The following RALGPS2 variants were observed in gnomAD, a reference collection of about 807,000 sequenced individuals.
RALGPS2 encodes the protein ras-specific guanine nucleotide-releasing factor RalGPS2.
RALGPS2 carries 43 observed loss-of-function variants against 86.8 expected under a neutral mutation model. The observed-to-expected ratio is 0.50, with a 90% CI of 0.39 to 0.64. The LOEUF (loss-of-function observed/expected upper bound fraction) is 0.64, where lower values mean the gene tolerates loss of function less well. Among genes scored for constraint, RALGPS2 ranks in the 30% least tolerant of loss-of-function variants. RALGPS2 has a pLI of 0.00. For synonymous variants in RALGPS2, 243 were observed against 231.3 expected (o/e 1.05, Z -0.46); for missense variants, 536 against 694.6 (o/e 0.77, Z 2.57).
At chr1:178,788,651 A>G (rs999569265) in intron 4 of RALGPS2, among the ~76,000 whole-genome samples, 31 of 152,058 alleles carry the variant, frequency 2.0e-4, no homozygotes, top group African/African-American at 7.2e-4. Flanking sequence ...AAGGGAGGGA[A>G]TGTACTAGAA....
At chr1:178,876,613 G>C (rs1407121339) in intron 8 of RALGPS2, among the ~76,000 whole-genome samples, 1 of 152,078 alleles carries the variant, frequency 6.6e-6, no homozygotes, top group African/African-American at 2.4e-5. Flanking sequence ...GAAGGCAGTG[G>C]GTATGTCATT....
rs777665269 is a variant in RALGPS2 at position 178,776,782 on chromosome 1, G to A, written c.18G>A (p.Gly6=). 1 of 1,612,892 alleles carries A rather than the reference G, an allele frequency of 6.2e-7. No individual in the cohort carries two copies. The highest frequency in any genetic ancestry group is 1.7e-5 in the Admixed American group (1 of 59,926). Residue 6 remains glycine (G), a synonymous_variant, in exon 2 of 20, where the codon GGG becomes GGA. Transcript: ENST00000367635. ...AGGAAAGCATGGACCTAATGAACGG[G>A]CAGGCAAGCAGTGTCAATATTGCAG... The part of the protein sequence containing the change: MDLMN[G]QASSVNIAAT...
At chr1:178,821,365 A>G (rs372174266) in intron 6 of RALGPS2, among the ~76,000 whole-genome samples, 2 of 152,328 alleles carry the variant, frequency 1.3e-5, no homozygotes, top group African/African-American at 4.8e-5. Flanking sequence ...TTCTTAATAT[A>G]TTACTCAACT....
At chr1:178,854,939 C>A (rs897279119) in intron 8 of RALGPS2, among the ~76,000 whole-genome samples, 6 of 151,944 alleles carry the variant, frequency 3.9e-5, no homozygotes, top group African/African-American at 7.3e-5. Context: ...GTGTTTCGAG[C>A]CTTTTTTATA....
intron 8 of RALGPS2, among the ~76,000 whole-genome samples, chr1:178,847,990 A>C (rs961570879): frequency 6.6e-6 from 1 of 152,150 alleles, no homozygotes; most frequent in African/African-American, 2.4e-5. Flanking sequence ...AATAGAGTCT[A>C]TATCTGTTGT....
intron 8 of RALGPS2, among the ~76,000 whole-genome samples, chr1:178,872,702 G>A (rs2102354884): frequency 6.6e-6 from 1 of 152,310 alleles, no homozygotes; most frequent in South Asian, 2.1e-4. Flanking sequence ...GGAAAAATAA[G>A]AGATAATAAA....
intron 4 of RALGPS2, among the ~76,000 whole-genome samples, chr1:178,793,119 G>T (rs1485347022): frequency 1.3e-5 from 2 of 152,132 alleles, no homozygotes; most frequent in African/African-American, 2.4e-5. Flanking sequence ...AATTACAGAA[G>T]ATAATTTTTT....
At chr1:178,767,134 T>G (rs1228482615) in intron 1 of RALGPS2, among the ~76,000 whole-genome samples, 2 of 152,222 alleles carry the variant, frequency 1.3e-5, no homozygotes, top group Admixed American at 1.3e-4. Flanking sequence ...TTCTTAGAAT[T>G]TTTTGATTGG....
chr1:178,821,642 C>T lies in RALGPS2; in HGVS notation c.418C>T (p.Leu140Phe). Residue 140 changes from leucine to phenylalanine, a missense_variant, in exon 7 of 20, where the codon CTT becomes TTT. By Grantham distance (22) the Leu-to-Phe change is conservative. This residue lies in a region of RALGPS2 where 184 missense variants were observed against 296.7 expected (regional missense o/e 0.62). Transcript: ENST00000367635. Reference sequence around the variant, plus strand: ...GTATGAGCTGAATAACCTTCATGCACTTATGGCAGTGGTTTCTGGCCTACA... The same window carrying T: ...GTATGAGCTGAATAACCTTCATGCATTTATGGCAGTGGTTTCTGGCCTACA... ...KLYELNNLHA[L>F]MAVVSGLQSA... The T allele has an allele frequency of 1.2e-6, 2 of 1,613,588 alleles. No homozygotes were observed. Among genetic ancestry groups the T allele is most frequent in the Non-Finnish European group, 1.7e-6 (2 of 1,179,754 alleles).
At chr1:178,906,737 A>AC in intron 18 of RALGPS2, 39 bp from the exon 19 acceptor site, 1 of 1,518,272 alleles carries the variant, frequency 6.6e-7, no homozygotes, top group South Asian at 1.2e-5. Flanking sequence ...TGTCGTCCTT[A>AC]CATTTTTAAT....
intron 1 of RALGPS2, among the ~76,000 whole-genome samples, chr1:178,770,902 T>C (rs1652779057): frequency 6.7e-6 from 1 of 148,222 alleles, no homozygotes; most frequent in Non-Finnish European, 1.5e-5. Flanking sequence ...GCAGTGGCAC[T>C]ATCTCGGTTC....
At chr1:178,913,133 T>C (rs1210601651) in intron 19 of RALGPS2, among the ~76,000 whole-genome samples, 1 of 151,844 alleles carries the variant, frequency 6.6e-6, no homozygotes, top group East Asian at 1.9e-4. Flanking sequence ...AATAGAAAAA[T>C]TAGCTGGGCA....
chr1:178,747,795 C>G, intron 1 of RALGPS2: 1 of 723,648 alleles, frequency 1.4e-6, no homozygotes, highest in South Asian at 1.6e-5. Flanking sequence ...CCTGTGCCAG[C>G]GGAGACGCTC....
chr1:178,801,474 C>T (rs79437936), intron 4 of RALGPS2, among the ~76,000 whole-genome samples: 4,592 of 152,074 alleles, frequency 0.03, 229 homozygotes, highest in African/African-American at 0.1. Context: ...TATAATTTAT[C>T]GTGATAAATA....
chr1:178,809,778 A>G (rs539724958), intron 5 of RALGPS2, among the ~76,000 whole-genome samples: 1 of 152,238 alleles, frequency 6.6e-6, no homozygotes, highest in South Asian at 2.1e-4. Context: ...AGAATGTTCC[A>G]GCAATCGAGG....
At chr1:178,865,023 G>A (rs766771114) in intron 8 of RALGPS2, 1 of 1,484,384 alleles carries the variant, frequency 6.7e-7, no homozygotes, top group Non-Finnish European at 8.9e-7. Flanking sequence ...AGATCAGGTG[G>A]TGGCATTAAA....
At position 178,919,906 on chromosome 1, in the gene RALGPS2, A is replaced by G. The variant is rs577828441; in HGVS notation, c.*3547A>G. ...CTTCAAAGGTTTTTGAAATAATTGGATCCCTTTTTGAAAAGGAAGATGAGT... is the reference window on the plus strand; with the variant it reads ...CTTCAAAGGTTTTTGAAATAATTGGGTCCCTTTTTGAAAAGGAAGATGAGT... On this transcript the variant is annotated 3_prime_UTR_variant, in exon 20 of 20. Coordinates refer to ENST00000367635, the MANE Select transcript of RALGPS2 (RefSeq NM_152663.5). The G allele has an allele frequency of 2.0e-5, 3 of 152,084 alleles. No individual in the cohort carries two copies. Among genetic ancestry groups the G allele is most frequent in the South Asian group, 4.1e-4 (2 of 4,824 alleles). The allele number at this position is 152,084 out of a possible 1,614,324, so 9.4% of individuals were successfully genotyped here. A position where few individuals can be genotyped will look rare whatever the true frequency, so the allele number is the denominator to read the frequency against.
At position 178,818,889 on chromosome 1, in the gene RALGPS2, T is replaced by A. The variant is rs114827568; in HGVS notation, c.388-2723T>A. On this transcript the variant is annotated intron_variant, in intron 6 of 19. Transcript: ENST00000367635. Reference sequence around the variant, plus strand: ...ATGGTTTTCTAAGTTTTATCTGTTTTGTTTTCTTGCCATTATGGCTTTAAC... The same window carrying A: ...ATGGTTTTCTAAGTTTTATCTGTTTAGTTTTCTTGCCATTATGGCTTTAAC... 3.7e-3 allele frequency among the ~76,000 whole-genome samples: 559 copies of A among 152,352 alleles called. 5 individuals are homozygous for A. The highest frequency in any genetic ancestry group is 0.012 in the African/African-American group (506 of 41,592).
chr1:178,823,239 T>G (rs1208172366), intron 7 of RALGPS2, among the ~76,000 whole-genome samples: 1 of 152,244 alleles, frequency 6.6e-6, no homozygotes, highest in Non-Finnish European at 1.5e-5. Flanking sequence ...AAAATAATAA[T>G]TTTTATTTGG....
Sources: allele counts gnomAD v4.1 joint callset (sites outside exome capture counted in the v4.1 genomes callset), GRCh38; gene constraint gnomAD v4.1.1; regional missense constraint gnomAD v4.1.1; transcripts MANE v1.5; gene names NCBI Gene and HGNC (gene_info 2026-07-23, HGNC 2026-07-21).